PRKDC: variants seen among roughly 807,000 people sequenced by gnomAD.
The protein encoded by PRKDC is protein kinase, DNA-activated, catalytic subunit, also known as DNA-dependent protein kinase catalytic subunit.
PRKDC carries 82 observed loss-of-function variants against 486.9 expected under a neutral mutation model. The observed-to-expected ratio is 0.17, with a 90% CI of 0.14 to 0.20. The LOEUF is 0.20. PRKDC is among the 10% of genes least tolerant of loss of function. The pLI is 1.00. For missense variants in PRKDC, 4,504 were observed against 5,038.2 expected, an observed-to-expected ratio of 0.89 and a Z score of 3.21; for synonymous variants, 1,895 against 1,837.0, an observed-to-expected ratio of 1.03 and a Z score of -0.81.
chr8:47,899,673 C>G lies in PRKDC; in HGVS notation c.3364+700G>C, dbSNP rs1052484498. Among the ~76,000 whole-genome samples the G allele has an allele frequency of 2.6e-5, 4 of 151,994 alleles. No homozygotes were observed. In the East Asian group the frequency reaches 7.7e-4, roughly 29 times the overall value. ...AATAAACAAATAAAATAAAATAAGT[C>G]AAGACCCGTATCAGTGATAAACTCC... On this transcript the variant is annotated intron_variant, in intron 28 of 85. Coordinates refer to ENST00000314191, the MANE Select transcript of PRKDC (RefSeq NM_006904.7).
At position 47,782,867 on chromosome 8, in the gene PRKDC, T is replaced by C; in HGVS notation, c.11176-269A>G. ...AGCAACAGCCAACATGCAAACTTTCTACAGTAGTAAGCTAATGCTACACAT... is the reference window on the plus strand; with the variant it reads ...AGCAACAGCCAACATGCAAACTTTCCACAGTAGTAAGCTAATGCTACACAT... On this transcript the variant is annotated intron_variant, in intron 78 of 85. Transcript: ENST00000314191. The surrounding 1 kb of genome is among the most constrained non-coding windows in gnomAD (Gnocchi z 4.9). 7.6e-6 allele frequency: 4 copies of C among 527,278 alleles called. No individual in the cohort carries two copies. The highest frequency in any genetic ancestry group is 1.4e-5 in the Non-Finnish European group (4 of 292,566). 32.7% of individuals were successfully genotyped at this position (527,278 alleles called of 1,614,324 possible).
At chr8:47,903,009 T>G (rs2089715789) in intron 26 of PRKDC, among the ~76,000 whole-genome samples, 1 of 152,208 alleles carries the variant, frequency 6.6e-6, no homozygotes, top group South Asian at 2.1e-4. Flanking sequence ...TGAAAACATT[T>G]TCTTTTAAAC....
chr8:47,896,378 T>A (rs2089581598), intron 30 of PRKDC, among the ~76,000 whole-genome samples: 1 of 152,074 alleles, frequency 6.6e-6, no homozygotes, highest in Non-Finnish European at 1.5e-5. Flanking sequence ...CCAGGTGCAG[T>A]GGCTGACGCC....
rs2088509383 is a variant in PRKDC, at chr8:47,855,298, C to T, written c.6685G>A (p.Ala2229Thr). Residue 2229 changes from alanine (A) to threonine (T), a missense_variant, in exon 50 of 86, where the codon GCT becomes ACT. Coordinates refer to ENST00000314191, the MANE Select transcript of PRKDC (RefSeq NM_006904.7). ...ATTTCAAGGTTGTGTCTAAACACAG[C>T]TCTTTTTGGATGAAAGACATGTTTC... ...LMKHVFHPKR[A>T]VFRHNLEIIK... 1 of 1,601,784 alleles carries T rather than the reference C, an allele frequency of 6.2e-7. No individual in the cohort carries two copies. Among genetic ancestry groups the T allele is most frequent in the East Asian group, 2.2e-5 (1 of 44,694 alleles).
chr8:47,828,399 T>C (rs376342189), intron 61 of PRKDC, 52 bp from the exon 62 acceptor site: 27 of 1,425,126 alleles, frequency 1.9e-5, no homozygotes, highest in African/African-American at 2.9e-5. Context: ...AAAAATGCTA[T>C]AAATCACCAA....
At chr8:47,793,683 T>TAAAAAAAAAAAAAA (rs397892514) in intron 74 of PRKDC, among the ~76,000 whole-genome samples, 6 of 72,808 alleles carry the variant, frequency 8.2e-5, no homozygotes, top group Admixed American at 1.5e-4. Context: ...TTAAAAAAAC[T>TAAAAAAAAAAAAAA]AAAAAAAAAA....
In PRKDC at chr8:47,826,747, G is replaced by A. The variant is rs746024122; in HGVS notation, c.8692C>T (p.Leu2898Phe). Residue 2898 changes from leucine (L) to phenylalanine (F), a missense_variant, in exon 63 of 86, where the codon CTC (leucine) becomes TTC (phenylalanine). Around this residue, in one of 6 missense-constraint regions of PRKDC, gnomAD observed 1,592 missense variants for 1,724.6 expected, o/e 0.92. Coordinates refer to ENST00000314191, the MANE Select transcript of PRKDC (RefSeq NM_006904.7). ...VGIRLLEEAL[L>F]RLLPAELPAK... The stretch of plus-strand genomic sequence containing the variant: ...GGCAGCTCAGCAGGCAGCAGGCGGA[G>A]CAGAGCCTCCTCTAGCAGGCGGATG... 128 of 1,613,002 alleles carry A rather than the reference G, an allele frequency of 7.9e-5. No individual in the cohort carries two copies. The highest frequency in any genetic ancestry group is 5.1e-4 in the Middle Eastern group (3 of 5,906).
intron 54 of PRKDC, among the ~76,000 whole-genome samples, chr8:47,846,415 CA>C (rs200554979): frequency 0.028 from 1,674 of 59,682 alleles, 19 homozygotes; most frequent in African/African-American, 0.071. Flanking sequence ...GACTCTGCCT[CA>C]AAAAAAAAAA....
In PRKDC at chr8:47,855,296, A is replaced by G; in HGVS notation, c.6687T>C (p.Ala2229=). ...LMKHVFHPKR[A]VFRHNLEIIK... ...TAATTTCAAGGTTGTGTCTAAACAC[A>G]GCTCTTTTTGGATGAAAGACATGTT... The change falls in exon 50 of 86, where the codon GCT becomes GCC. Residue 2229 remains alanine (A), a synonymous_variant. Coordinates refer to ENST00000314191, the MANE Select transcript of PRKDC (RefSeq NM_006904.7). 1 of 1,602,568 alleles carries G rather than the reference A, an allele frequency of 6.2e-7. No homozygotes were observed. The highest frequency in any genetic ancestry group is 8.5e-7 in the Non-Finnish European group (1 of 1,173,730).
At chr8:47,809,037 AGAAAG>A (rs1300598774) in intron 68 of PRKDC, among the ~76,000 whole-genome samples, 1 of 151,150 alleles carries the variant, frequency 6.6e-6, no homozygotes, top group Non-Finnish European at 1.5e-5. Context: ...AAGGAAAGAA[AGAAAG>A]GAAAGAAGAA....
intron 18 of PRKDC, 50 bp downstream of exon 18, chr8:47,929,803 C>T (rs2090220333): frequency 6.6e-7 from 1 of 1,514,008 alleles, no homozygotes; most frequent in South Asian, 1.3e-5. Flanking sequence ...TTTATATATA[C>T]TCATGACCTA....
intron 61 of PRKDC, among the ~76,000 whole-genome samples, chr8:47,829,787 T>C (rs1007198406): frequency 2.0e-5 from 3 of 151,898 alleles, no homozygotes; most frequent in Non-Finnish European, 1.5e-5. Flanking sequence ...ATGACACAAA[T>C]AAAGGGAAAC....
chr8:47,855,745 A>C (rs2088523722), intron 49 of PRKDC, among the ~76,000 whole-genome samples: 1 of 152,230 alleles, frequency 6.6e-6, no homozygotes, highest in African/African-American at 2.4e-5. Context: ...CTCAGTATCC[A>C]GTGCTTTCTG....
intron 23 of PRKDC, among the ~76,000 whole-genome samples, chr8:47,914,761 A>G (rs2154502863): frequency 6.6e-6 from 1 of 151,390 alleles, no homozygotes; most frequent in East Asian, 1.9e-4. Flanking sequence ...AGATTGTGCC[A>G]CTGCATTCCA....
At chr8:47,790,464 T>C (rs752227290) in intron 74 of PRKDC, among the ~76,000 whole-genome samples, 7 of 152,148 alleles carry the variant, frequency 4.6e-5, no homozygotes, top group Non-Finnish European at 7.3e-5. Context: ...ATCAATACTG[T>C]TAAATCTGTC....
intron 68 of PRKDC, 55 bp downstream of exon 68, chr8:47,817,395 A>G (rs1178298530): frequency 4.8e-6 from 6 of 1,253,514 alleles, no homozygotes; most frequent in Non-Finnish European, 6.8e-6. Flanking sequence ...AAGAAAAACC[A>G]TTCCAACAAT....
intron 36 of PRKDC, among the ~76,000 whole-genome samples, chr8:47,883,318 T>G (rs565807097): frequency 2.4e-4 from 36 of 152,336 alleles, no homozygotes; most frequent in Non-Finnish European, 4.7e-4. Flanking sequence ...ATAACTGCTT[T>G]TTCTCCAGTG....
intron 73 of PRKDC, among the ~76,000 whole-genome samples, chr8:47,796,928 T>C (rs2086996585): frequency 6.6e-6 from 1 of 152,210 alleles, no homozygotes; most frequent in South Asian, 2.1e-4. Context: ...TATTTTCTTT[T>C]TCTGTATAGA....
At chr8:47,895,629 T>G (rs1319790119) in intron 30 of PRKDC, among the ~76,000 whole-genome samples, 1 of 152,146 alleles carries the variant, frequency 6.6e-6, no homozygotes, top group Admixed American at 6.5e-5. Flanking sequence ...TGCTGCCCAC[T>G]GCCCTCCAGC....
Sources: allele counts gnomAD v4.1 joint callset (sites outside exome capture counted in the v4.1 genomes callset), GRCh38; gene constraint gnomAD v4.1.1; regional missense constraint gnomAD v4.1.1; non-coding constraint Gnocchi (gnomAD v3.1); transcripts MANE v1.5; gene names NCBI Gene and HGNC (gene_info 2026-07-23, HGNC 2026-07-21).